Variants in CAPN9 observed in about 807,000 individuals in gnomAD.
The protein encoded by CAPN9 is calpain-9.
Under a neutral mutation model 92.8 loss-of-function variants are expected in CAPN9, and 81 were observed. That is an observed-to-expected ratio of 0.87 (90% CI 0.73 to 1.05). CAPN9 has a LOEUF of 1.05. CAPN9 is among the 50% of genes least tolerant of loss of function. The probability of loss-of-function intolerance (pLI) is 0.00; values close to 1 mark genes in which losing one functional copy is unlikely to be tolerated. For synonymous variants in CAPN9, 304 were observed against 328.0 expected, an observed-to-expected ratio of 0.93 and a Z score of 0.79; for missense variants, 848 against 866.2, an observed-to-expected ratio of 0.98 and a Z score of 0.26.
Position 230,774,764 on chromosome 1 carries a change from G to T in CAPN9, c.953+133G>T, listed in dbSNP as rs554289668. 1.8e-5 allele frequency: 11 copies of T among 614,176 alleles called. No individual in the cohort carries two copies. In the African/African-American group the frequency reaches 1.8e-4, roughly 10 times the overall value. The allele number at this position is 614,176 out of a possible 1,614,324, so 38.0% of individuals were successfully genotyped here. A position where few individuals can be genotyped will look rare whatever the true frequency, so the allele number is the denominator to read the frequency against. ...CTTTTTTTTTTTTTTTTTTTGAGACGGAGTTTTGTTCTTATTGCCCAGGCT... is the reference window on the plus strand; with the variant it reads ...CTTTTTTTTTTTTTTTTTTTGAGACTGAGTTTTGTTCTTATTGCCCAGGCT... On this transcript the variant is annotated intron_variant, in intron 8 of 19. Coordinates refer to ENST00000271971, the MANE Select transcript of CAPN9 (RefSeq NM_006615.3).
chr1:230,768,603 T>C (rs3790967), intron 5 of CAPN9, among the ~76,000 whole-genome samples: 1,676 of 152,214 alleles, frequency 0.011, 33 homozygotes, highest in East Asian at 0.07. Context: ...TCTAATGATA[T>C]TTTTTAAAAT....
chr1:230,759,765 A>C, intron 3 of CAPN9, 135 bp downstream of exon 3: 1 of 512,944 alleles, frequency 1.9e-6, no homozygotes, highest in Non-Finnish European at 3.4e-6. Context: ...AAACCATGCT[A>C]AAGCCACATT....
At chr1:230,784,604 T>C (rs1467177307) in intron 11 of CAPN9, among the ~76,000 whole-genome samples, 2 of 149,094 alleles carry the variant, frequency 1.3e-5, no homozygotes, top group East Asian at 1.9e-4. Context: ...AGCTTCCATA[T>C]GGTGTTAAGC....
In CAPN9 at chr1:230,751,621, AAG is replaced by A. The variant is rs1470980640; in HGVS notation, c.214-3714_214-3713del. ...AGAAAGAAAGAAAGAGAAAGAAAGAAAGAAAGAAAGAAAGAAAGAAAGAAAGA... is the reference window on the plus strand; with the variant it reads ...AGAAAGAAAGAAAGAGAAAGAAAGAAAAAGAAAGAAAGAAAGAAAGAAAGA... On this transcript the variant is annotated intron_variant, in intron 1 of 19. Coordinates refer to ENST00000271971, the MANE Select transcript of CAPN9 (RefSeq NM_006615.3). Among the ~76,000 whole-genome samples, 3 of 56,306 alleles carry A rather than the reference AAG, an allele frequency of 5.3e-5. 1 individual carries two copies. The highest frequency in any genetic ancestry group is 8.9e-5 in the African/African-American group (1 of 11,180). The allele number at this position is 56,306 out of a possible 152,430, so 36.9% of individuals were successfully genotyped here.
At chr1:230,762,895 G>A (rs545075973) in intron 4 of CAPN9, 109 bp downstream of exon 4, 128 of 1,212,998 alleles carry the variant, frequency 1.1e-4, no homozygotes, top group Admixed American at 1.9e-4. Context: ...TGGGTTTGCA[G>A]GTGAGGCTCG....
intron 4 of CAPN9, 109 bp downstream of exon 4, chr1:230,762,895 G>C (rs545075973): frequency 1.6e-6 from 2 of 1,212,886 alleles, no homozygotes; most frequent in African/African-American, 3.1e-5. Flanking sequence ...TGGGTTTGCA[G>C]GTGAGGCTCG....
chr1:230,791,349 T>A (rs1667968253), intron 14 of CAPN9, among the ~76,000 whole-genome samples: 1 of 152,228 alleles, frequency 6.6e-6, no homozygotes, highest in African/African-American at 2.4e-5. Context: ...CTATGTTTAA[T>A]GTTTTTAAAA....
intron 14 of CAPN9, 155 bp downstream of exon 14, chr1:230,790,344 T>C (rs1271685086): frequency 1.0e-6 from 1 of 983,624 alleles, no homozygotes; most frequent in African/African-American, 1.7e-5. Flanking sequence ...TTTGTTTTCC[T>C]GATTCCAAAA....
chr1:230,755,540 C>G lies in CAPN9; in HGVS notation c.283+134C>G. On this transcript the variant is annotated intron_variant, in intron 2 of 19. Transcript: ENST00000271971. The stretch of plus-strand genomic sequence containing the variant: ...ACAACACTGCTTCGGCCTCTGCTTC[C>G]TCACTCCCTCTGAATGGAGTCCAGT... 3.2e-6 allele frequency: 2 copies of G among 621,390 alleles called. 1 individual carries two copies. The highest frequency in any genetic ancestry group is 8.8e-4 in the Middle Eastern group (2 of 2,272). The allele number at this position is 621,390 out of a possible 1,614,324, so 38.5% of individuals were successfully genotyped here.
intron 8 of CAPN9, among the ~76,000 whole-genome samples, chr1:230,777,453 C>T (rs1180883495): frequency 6.6e-6 from 1 of 152,054 alleles, no homozygotes; most frequent in East Asian, 1.9e-4. Context: ...TAGGATGTAC[C>T]TCCTGCAACT....
intron 1 of CAPN9, among the ~76,000 whole-genome samples, chr1:230,753,050 A>G (rs1027772042): frequency 1.3e-5 from 2 of 152,182 alleles, no homozygotes; most frequent in African/African-American, 4.8e-5. Flanking sequence ...AGGAGGAAGA[A>G]GAGCAGTGTG....
chr1:230,765,336 C>T (rs57618121), intron 4 of CAPN9, among the ~76,000 whole-genome samples: 2,228 of 151,012 alleles, frequency 0.015, 56 homozygotes, highest in East Asian at 0.084. Flanking sequence ...ATTCAACCAA[C>T]GAAATAGACA....
chr1:230,763,189 T>C (rs1665755480), intron 4 of CAPN9, among the ~76,000 whole-genome samples: 1 of 152,232 alleles, frequency 6.6e-6, no homozygotes, highest in Non-Finnish European at 1.5e-5. Flanking sequence ...TACGGGATGC[T>C]TCTTTTTTAT....
At chr1:230,750,469 T>G (rs1220555535) in intron 1 of CAPN9, among the ~76,000 whole-genome samples, 2 of 152,202 alleles carry the variant, frequency 1.3e-5, no homozygotes, top group African/African-American at 4.8e-5. Context: ...ATCTTACAGA[T>G]TTCTGTAAAA....
intron 11 of CAPN9, 109 bp from the exon 12 acceptor site, chr1:230,785,871 TA>T: frequency 9.9e-7 from 1 of 1,014,560 alleles, no homozygotes; most frequent in Non-Finnish European, 1.6e-6. Context: ...CACTGAACAA[TA>T]AGGGATTCAA....
intron 8 of CAPN9, chr1:230,776,072 T>C (rs897525367): frequency 6.6e-6 from 1 of 152,174 alleles, no homozygotes; most frequent in East Asian, 1.9e-4. Context: ...AAAAATACCA[T>C]AGACTGAGTG....
intron 18 of CAPN9, 35 bp downstream of exon 18, chr1:230,795,314 G>A: frequency 7.5e-7 from 1 of 1,336,378 alleles, no homozygotes; most frequent in Non-Finnish European, 1.1e-6. Context: ...TGCACCTCGG[G>A]GTGGCATCTT....
intron 11 of CAPN9, among the ~76,000 whole-genome samples, chr1:230,784,826 T>C (rs1211299816): frequency 6.6e-6 from 1 of 152,212 alleles, no homozygotes; most frequent in Admixed American, 6.5e-5. Flanking sequence ...AGTGGAACTG[T>C]GGGAAGGCGG....
intron 8 of CAPN9, among the ~76,000 whole-genome samples, chr1:230,775,194 A>T (rs577495950): frequency 6.6e-6 from 1 of 152,094 alleles, no homozygotes; most frequent in East Asian, 1.9e-4. Flanking sequence ...CTGCAATCCA[A>T]TAGAGGAAGA....
Sources: allele counts gnomAD v4.1 joint callset (sites outside exome capture counted in the v4.1 genomes callset), GRCh38; gene constraint gnomAD v4.1.1; transcripts MANE v1.5; gene names NCBI Gene and HGNC (gene_info 2026-07-23, HGNC 2026-07-21).